The following TRAF3IP1 variants were observed in gnomAD, a reference collection of about 807,000 sequenced individuals.
TRAF3IP1 encodes intraflagellar transport 54.
TRAF3IP1 carries 53 observed loss-of-function variants against 89.9 expected under a neutral mutation model. The ratio of observed to expected loss-of-function variants is 0.59; its 90% confidence interval spans 0.47 to 0.74. The LOEUF (loss-of-function observed/expected upper bound fraction) is 0.74, where lower values mean the gene tolerates loss of function less well. Ranked by LOEUF, TRAF3IP1 falls within the 30% of genes least tolerant of loss-of-function variation. The probability of loss-of-function intolerance (pLI) is 0.00; values close to 1 mark genes in which losing one functional copy is unlikely to be tolerated. For missense variants in TRAF3IP1, 806 were observed against 866.1 expected (o/e 0.93, Z 0.87); for synonymous variants, 311 against 322.1 (o/e 0.97, Z 0.37).
chr2:238,376,668 T>G (rs561195422), intron 15 of TRAF3IP1, among the ~76,000 whole-genome samples: 1 of 152,378 alleles, frequency 6.6e-6, no homozygotes, highest in South Asian at 2.1e-4. Flanking sequence ...TTTGTTAGAT[T>G]TATATGTGGG....
intron 1 of TRAF3IP1, among the ~76,000 whole-genome samples, chr2:238,323,037 A>G (rs1423365793): frequency 6.6e-6 from 1 of 152,012 alleles, no homozygotes; most frequent in Non-Finnish European, 1.5e-5. Context: ...AAGTGTGGAT[A>G]CTGTGACGTT....
chr2:238,396,336 A>T (rs1436139508), intron 15 of TRAF3IP1, among the ~76,000 whole-genome samples: 1 of 137,524 alleles, frequency 7.3e-6, no homozygotes, highest in Non-Finnish European at 1.5e-5. Context: ...CAATGAGAAC[A>T]CATGGACACA....
chr2:238,373,017 A>G, intron 15 of TRAF3IP1, among the ~76,000 whole-genome samples: 1 of 152,110 alleles, frequency 6.6e-6, no homozygotes, highest in Non-Finnish European at 1.5e-5. Context: ...AGTTCTTTGT[A>G]GATTCTGGAT....
At position 238,379,700 on chromosome 2, in the gene TRAF3IP1, G is replaced by A. The variant is rs1163321538; in HGVS notation, c.1690-17759G>A. Reference sequence around the variant, plus strand: ...AGCCATTCAGTTCAGTGGGTCTCTTGTTGCCCAGTAACTACCTTTTATAGC... The same window carrying A: ...AGCCATTCAGTTCAGTGGGTCTCTTATTGCCCAGTAACTACCTTTTATAGC... On this transcript the variant is annotated intron_variant, in intron 15 of 16. Transcript: ENST00000373327. The surrounding 1 kb of genome is among the most constrained non-coding windows in gnomAD (Gnocchi z 4.0). Among the ~76,000 whole-genome samples the A allele has an allele frequency of 6.6e-6, 1 of 152,188 alleles. No individual in the cohort carries two copies. Among genetic ancestry groups the A allele is most frequent in the African/African-American group, 2.4e-5 (1 of 41,428 alleles).
intron 8 of TRAF3IP1, among the ~76,000 whole-genome samples, chr2:238,341,422 A>G (rs72980174): frequency 0.029 from 4,428 of 151,764 alleles, 100 homozygotes; most frequent in Non-Finnish European, 0.047. Flanking sequence ...AAAAAAGTAC[A>G]TTTTCCTACA....
chr2:238,365,677 A>AAAAT (rs994937121), intron 15 of TRAF3IP1, among the ~76,000 whole-genome samples: 1 of 151,870 alleles, frequency 6.6e-6, no homozygotes, highest in African/African-American at 2.4e-5. Context: ...AATAAAAATA[A>AAAAT]AAATAAATAA....
At chr2:238,392,404 C>T (rs1324698174) in intron 15 of TRAF3IP1, among the ~76,000 whole-genome samples, 1 of 152,130 alleles carries the variant, frequency 6.6e-6, no homozygotes, top group East Asian at 1.9e-4. Flanking sequence ...CCACCTCGAA[C>T]TCTTCCTTCA....
At chr2:238,350,837 G>A (rs1325900864) in intron 12 of TRAF3IP1, among the ~76,000 whole-genome samples, 5 of 152,114 alleles carry the variant, frequency 3.3e-5, no homozygotes, top group African/African-American at 7.2e-5. Flanking sequence ...GCACTGGGGG[G>A]CACAGGCTGT....
chr2:238,325,074 A>G (rs1031982483), intron 1 of TRAF3IP1, among the ~76,000 whole-genome samples: 2 of 152,158 alleles, frequency 1.3e-5, no homozygotes, highest in African/African-American at 4.8e-5. Flanking sequence ...TAGTACCTGC[A>G]TGGTGTCATC....
Position 238,320,737 on chromosome 2 carries a change from G to A in TRAF3IP1, c.75G>A (p.Lys25=). ...TTCGGAGGCCGCCGCTGACCGAGAAGCTGCTGAGCAAGCCCCCGTTCCGCT... is the reference window on the plus strand; with the variant it reads ...TTCGGAGGCCGCCGCTGACCGAGAAACTGCTGAGCAAGCCCCCGTTCCGCT... ...KVIRRPPLTE[K]LLSKPPFRYL... The change falls in exon 1 of 17, where the codon AAG becomes AAA. Residue 25 remains lysine (K), a synonymous_variant. Coordinates refer to ENST00000373327, the MANE Select transcript of TRAF3IP1 (RefSeq NM_015650.4). 1 of 1,448,146 alleles carries A rather than the reference G, an allele frequency of 6.9e-7. No homozygotes were observed. Among genetic ancestry groups the A allele is most frequent in the South Asian group, 1.3e-5 (1 of 76,430 alleles). 89.7% of individuals were successfully genotyped at this position (1,448,146 alleles called of 1,614,324 possible).
At chr2:238,384,782 G>T (rs931331243) in intron 15 of TRAF3IP1, among the ~76,000 whole-genome samples, 19 of 152,006 alleles carry the variant, frequency 1.2e-4, no homozygotes, top group Admixed American at 1.2e-3. Context: ...TGAACAAAAG[G>T]TTAAGAATTG....
intron 3 of TRAF3IP1, among the ~76,000 whole-genome samples, chr2:238,326,214 A>G (rs1447568731): frequency 6.6e-6 from 1 of 152,242 alleles, no homozygotes; most frequent in African/African-American, 2.4e-5. Flanking sequence ...TTCAGTAGAA[A>G]GTCGGGAACC....
chr2:238,384,539 A>ATTTTTTTTTT (rs35203636), intron 15 of TRAF3IP1, among the ~76,000 whole-genome samples: 1 of 119,906 alleles, frequency 8.3e-6, no homozygotes, highest in Non-Finnish European at 1.7e-5. Context: ...CGCCTGGCTA[A>ATTTTTTTTTT]TTTTTTTTTT....
intron 15 of TRAF3IP1, among the ~76,000 whole-genome samples, chr2:238,393,301 A>T (rs1416792343): frequency 2.0e-5 from 3 of 152,234 alleles, no homozygotes; most frequent in East Asian, 1.9e-4. Context: ...GATTTCAAAC[A>T]TATTTTCATG....
At chr2:238,344,637 A>G in intron 9 of TRAF3IP1, 39 bp downstream of exon 9, 8 of 1,564,694 alleles carry the variant, frequency 5.1e-6, no homozygotes, top group Non-Finnish European at 7.0e-6. Flanking sequence ...TGGCGAGAGC[A>G]GAGTGAGCCC....
chr2:238,355,594 A>G (rs1246472864), intron 14 of TRAF3IP1, among the ~76,000 whole-genome samples: 1 of 152,270 alleles, frequency 6.6e-6, no homozygotes, highest in Non-Finnish European at 1.5e-5. Flanking sequence ...TATTTATCCC[A>G]TGAGTAAATT....
chr2:238,389,904 T>C lies in TRAF3IP1; in HGVS notation c.1690-7555T>C, dbSNP rs1373782705. ...AAATCACTAGAAGTGCAAATGCCCA[T>C]GTTTCTGAGGACAAGTGTGTGTGTG... On this transcript the variant is annotated intron_variant, in intron 15 of 16. Coordinates refer to ENST00000373327, the MANE Select transcript of TRAF3IP1 (RefSeq NM_015650.4). Among the ~76,000 whole-genome samples the C allele has an allele frequency of 2.0e-5, 3 of 152,180 alleles. 1 individual carries two copies. In the South Asian group the frequency reaches 6.2e-4, roughly 32 times the overall value.
chr2:238,351,836 TG>T lies in TRAF3IP1; in HGVS notation c.1452-990del. 2.3e-5 allele frequency among the ~76,000 whole-genome samples: 1 copy of T among 44,070 alleles called. No individual in the cohort carries two copies. Among genetic ancestry groups the T allele is most frequent in the African/African-American group, 1.5e-4 (1 of 6,470 alleles). 28.9% of individuals were successfully genotyped at this position (44,070 alleles called of 152,430 possible). On this transcript the variant is annotated intron_variant, in intron 12 of 16. Transcript: ENST00000373327. The surrounding 1 kb of genome is among the most constrained non-coding windows in gnomAD (Gnocchi z 5.2). Reference sequence around the variant, plus strand: ...GCACTGAAGCAAGGGAGGATTTTGGTGTGTGTGTGTGTGTGTGTGTGTGTGT... The same window carrying T: ...GCACTGAAGCAAGGGAGGATTTTGGTTGTGTGTGTGTGTGTGTGTGTGTGT...
At position 238,328,777 on chromosome 2, in the gene TRAF3IP1, T is replaced by G; in HGVS notation, c.446T>G (p.Leu149Trp). Residue 149 changes from leucine to tryptophan, a missense_variant, in exon 4 of 17, where the codon TTG becomes TGG. Transcript: ENST00000373327. Reference sequence around the variant, plus strand: ...TCACTGACCTCAAGATCTCAGGAATTGGATAATAAGAATGTGCGAGAAGAA... The same window carrying G: ...TCACTGACCTCAAGATCTCAGGAATGGGATAATAAGAATGTGCGAGAAGAA... ...RASLTSRSQELDNKNVREEES... is the reference protein window; with the variant it reads ...RASLTSRSQEWDNKNVREEES... 6.2e-7 allele frequency: 1 copy of G among 1,613,838 alleles called. No homozygotes were observed.
Sources: allele counts gnomAD v4.1 joint callset (sites outside exome capture counted in the v4.1 genomes callset), GRCh38; gene constraint gnomAD v4.1.1; non-coding constraint Gnocchi (gnomAD v3.1); transcripts MANE v1.5; gene names NCBI Gene and HGNC (gene_info 2026-07-23, HGNC 2026-07-21).